PBX1: variants seen among roughly 807,000 people sequenced by gnomAD.
PBX1 encodes PBX homeobox 1.
Under a neutral mutation model 53.4 loss-of-function variants are expected in PBX1, and 6 were observed. The ratio of observed to expected loss-of-function variants is 0.11; its 90% CI spans 0.06 to 0.22. The LOEUF is 0.22. Among genes scored for constraint, PBX1 ranks in the 10% least tolerant of loss-of-function variants. The pLI, the probability that PBX1 is intolerant of heterozygous loss-of-function variation, is 1.00. For missense variants in PBX1, 251 were observed against 551.4 expected (o/e 0.46, Z 5.46); for synonymous variants, 204 against 212.3 (o/e 0.96, Z 0.34).
intron 2 of PBX1, chr1:164,682,862 T>TTCCTTGCAGATGAGA (rs1661868809): frequency 6.6e-6 from 1 of 151,462 alleles, no homozygotes; most frequent in African/African-American, 2.4e-5. Context: ...CATACCTCCC[T>TTCCTTGCAGATGAGA]TCCTTGCAGA....
At chr1:164,854,894 G>A (rs1379925146), downstream of PBX1, among the ~76,000 whole-genome samples, 1 of 149,444 alleles carries the variant, frequency 6.7e-6, no homozygotes, top group African/African-American at 2.5e-5. Flanking sequence ...CTCCCACAAT[G>A]CCCAGTCACA....
At position 164,559,573 on chromosome 1, in the gene PBX1, C is replaced by T. The variant is rs965237181; in HGVS notation, c.-250C>T. On this transcript the variant is annotated 5_prime_UTR_variant, in exon 1 of 9. Coordinates refer to ENST00000420696, the MANE Select transcript of PBX1 (RefSeq NM_002585.4). Reference sequence around the variant, plus strand: ...TTTTTGGAGTCAACACCCTTCCCCACCAGCCCTTATCCCCACCCTCACCCC... The same window carrying T: ...TTTTTGGAGTCAACACCCTTCCCCATCAGCCCTTATCCCCACCCTCACCCC... 1 of 407,636 alleles carries T rather than the reference C, an allele frequency of 2.5e-6. No individual in the cohort carries two copies. The allele number at this position is 407,636 out of a possible 1,614,324, so 25.3% of individuals were successfully genotyped here. A position where few individuals can be genotyped will look rare whatever the true frequency, so the allele number is the denominator to read the frequency against.
In PBX1 at chr1:164,745,648, G is replaced by A. The variant is rs111241606; in HGVS notation, c.266-46846G>A. 3.8e-3 allele frequency among the ~76,000 whole-genome samples: 583 copies of A among 152,294 alleles called. 5 individuals are homozygous for A. Among genetic ancestry groups the A allele is most frequent in the African/African-American group, 0.013 (543 of 41,550 alleles). On this transcript the variant is annotated intron_variant, in intron 2 of 8. Coordinates refer to ENST00000420696, the MANE Select transcript of PBX1 (RefSeq NM_002585.4). The stretch of plus-strand genomic sequence containing the variant: ...TCAATAGTAATTAGTAATAAACCTA[G>A]TCAACCAGCTACAGGCTGGGCTAAA...
chr1:164,823,719 A>G (rs1485644955), intron 8 of PBX1, among the ~76,000 whole-genome samples: 1 of 152,094 alleles, frequency 6.6e-6, no homozygotes, highest in African/African-American at 2.4e-5. Flanking sequence ...ATGTCTGATG[A>G]CATAAGCCCA....
rs1671630815 is a variant in PBX1, at chr1:164,847,435, T to C, written c.*759T>C. The C allele has an allele frequency of 9.4e-7, 1 of 1,063,586 alleles. No individual in the cohort carries two copies. The highest frequency in any genetic ancestry group is 1.6e-5 in the African/African-American group (1 of 61,014). 65.9% of individuals were successfully genotyped at this position (1,063,586 alleles called of 1,614,324 possible). On this transcript the variant is annotated 3_prime_UTR_variant, in exon 9 of 9. Transcript: ENST00000420696. ...AGGTGGAGAATTCCTACAGTCTTTC[T>C]TACCCTGCTAGCAATAGCTCTCAGT...
chr1:164,814,852 A>G (rs928152315), intron 6 of PBX1: 2 of 152,234 alleles, frequency 1.3e-5, no homozygotes, highest in African/African-American at 2.4e-5. Context: ...GATTACTTCC[A>G]AATATTTCTA....
intron 2 of PBX1, among the ~76,000 whole-genome samples, chr1:164,726,399 T>C (rs1241448358): frequency 3.3e-5 from 5 of 152,212 alleles, no homozygotes; most frequent in African/African-American, 4.8e-5. Context: ...GGCCCAGTTA[T>C]TTTAGCCATG....
intron 2 of PBX1, among the ~76,000 whole-genome samples, chr1:164,608,471 A>G (rs1345993935): frequency 6.6e-6 from 1 of 152,222 alleles, no homozygotes; most frequent in African/African-American, 2.4e-5. Context: ...GATTTTTAAC[A>G]AAAATACTTT....
At chr1:164,751,527 AT>A (rs1666215602) in intron 2 of PBX1, among the ~76,000 whole-genome samples, 2 of 149,780 alleles carry the variant, frequency 1.3e-5, no homozygotes, top group East Asian at 2.0e-4. Context: ...TTTCAAAAAC[AT>A]TTTTTATAGA....
Position 164,848,615 on chromosome 1 carries a change from T to C in PBX1, c.*1939T>C. Reference sequence around the variant, plus strand: ...TCTTGGTTTTGGTCTGTCTCTTTTCTTAGGATAAAGAAAAACTTCCAAACT... The same window carrying C: ...TCTTGGTTTTGGTCTGTCTCTTTTCCTAGGATAAAGAAAAACTTCCAAACT... On this transcript the variant is annotated 3_prime_UTR_variant, in exon 9 of 9. Coordinates refer to ENST00000420696, the MANE Select transcript of PBX1 (RefSeq NM_002585.4). The C allele has an allele frequency of 3.6e-5, 38 of 1,057,452 alleles. No individual in the cohort carries two copies. The highest frequency in any genetic ancestry group is 4.2e-5 in the Non-Finnish European group (37 of 874,452). The allele number at this position is 1,057,452 out of a possible 1,614,324, so 65.5% of individuals were successfully genotyped here.
At chr1:164,609,009 C>T (rs1656733538) in intron 2 of PBX1, among the ~76,000 whole-genome samples, 1 of 151,982 alleles carries the variant, frequency 6.6e-6, no homozygotes, top group Non-Finnish European at 1.5e-5. Flanking sequence ...CTTTGGAGCT[C>T]CACTGTCTGA....
intron 2 of PBX1, among the ~76,000 whole-genome samples, chr1:164,594,503 G>A (rs1033713908): frequency 3.9e-5 from 6 of 152,022 alleles, no homozygotes; most frequent in Non-Finnish European, 5.9e-5. Context: ...GGCTGGTCTC[G>A]AACTCCTGAC....
In PBX1 at chr1:164,808,966, A is replaced by G. The variant is rs1209418760; in HGVS notation, c.837+1289A>G. Among the ~76,000 whole-genome samples, 4 of 152,262 alleles carry G rather than the reference A, an allele frequency of 2.6e-5. No homozygotes were observed. In the East Asian group the frequency reaches 7.7e-4, roughly 29 times the overall value. On this transcript the variant is annotated intron_variant, in intron 5 of 8. Coordinates refer to ENST00000420696, the MANE Select transcript of PBX1 (RefSeq NM_002585.4). ...GTCAGCGGTCAAACTCAAGTAGCCTAGTTTTTTCTAGGGCTGTCACCATTC... is the reference window on the plus strand; with the variant it reads ...GTCAGCGGTCAAACTCAAGTAGCCTGGTTTTTTCTAGGGCTGTCACCATTC...
intron 2 of PBX1, among the ~76,000 whole-genome samples, chr1:164,702,149 C>T (rs1267548658): frequency 1.3e-5 from 2 of 151,774 alleles, no homozygotes; most frequent in African/African-American, 4.8e-5. Flanking sequence ...CACAGTGTGC[C>T]TTGCCCTGGC....
chr1:164,627,940 T>C (rs1262202003), intron 2 of PBX1, among the ~76,000 whole-genome samples: 1 of 152,144 alleles, frequency 6.6e-6, no homozygotes, highest in Non-Finnish European at 1.5e-5. Flanking sequence ...AACTAGCAAC[T>C]GGAAATTATA....
intron 2 of PBX1, among the ~76,000 whole-genome samples, chr1:164,706,714 C>G (rs1663445648): frequency 6.6e-6 from 1 of 152,150 alleles, no homozygotes; most frequent in South Asian, 2.1e-4. Flanking sequence ...ATTTAAGTAA[C>G]AGTGAGAACC....
At chr1:164,731,614 T>A (rs1440114818) in intron 2 of PBX1, among the ~76,000 whole-genome samples, 1 of 152,194 alleles carries the variant, frequency 6.6e-6, no homozygotes, top group Non-Finnish European at 1.5e-5. Context: ...GTAGACTTAA[T>A]CAGATGCTGT....
At chr1:164,872,898 A>C (rs1478723273) in intron 2 of PBX1, among the ~76,000 whole-genome samples, 1 of 152,216 alleles carries the variant, frequency 6.6e-6, no homozygotes, top group Non-Finnish European at 1.5e-5. Context: ...TTTGTCATTT[A>C]ACATATTAGC....
chr1:164,660,349 G>A (rs906124836), intron 2 of PBX1, among the ~76,000 whole-genome samples: 4 of 152,252 alleles, frequency 2.6e-5, no homozygotes, highest in Middle Eastern at 3.4e-3. Flanking sequence ...AACTTACACT[G>A]GGTTTGAAAA....
Sources: allele counts gnomAD v4.1 joint callset (sites outside exome capture counted in the v4.1 genomes callset), GRCh38; gene constraint gnomAD v4.1.1; transcripts MANE v1.5; gene names NCBI Gene and HGNC (gene_info 2026-07-23, HGNC 2026-07-21).